The following CFAP20DC variants were observed in gnomAD, a reference collection of about 807,000 sequenced individuals.
CFAP20DC encodes the protein CFAP20 domain containing, also known as protein CFAP20DC.
In CFAP20DC, 84 loss-of-function variants were observed where a neutral mutation model predicts 101.7. The observed-to-expected ratio is 0.83, with a 90% confidence interval of 0.69 to 0.99. The LOEUF is 0.99. CFAP20DC is among the 50% of genes least tolerant of loss of function. The pLI, the probability that CFAP20DC is intolerant of heterozygous loss-of-function variation, is 0.00. For missense variants in CFAP20DC, 1,007 were observed against 970.3 expected (o/e 1.04, Z -0.50); for synonymous variants, 359 against 351.2 (o/e 1.02, Z -0.25).
At chr3:58,820,130 A>G (rs1244065249) in intron 14 of CFAP20DC, among the ~76,000 whole-genome samples, 1 of 152,042 alleles carries the variant, frequency 6.6e-6, no homozygotes, top group African/African-American at 2.4e-5. Flanking sequence ...TTAGGTATTG[A>G]TGGGACATAT....
intron 4 of CFAP20DC, among the ~76,000 whole-genome samples, chr3:58,946,767 G>A (rs1406576284): frequency 6.6e-6 from 1 of 152,162 alleles, no homozygotes; most frequent in Non-Finnish European, 1.5e-5. Flanking sequence ...GTTGCTGGGA[G>A]TTTTAATATG....
intron 4 of CFAP20DC, among the ~76,000 whole-genome samples, chr3:58,991,234 A>G (rs2092927044): frequency 6.6e-6 from 1 of 152,184 alleles, no homozygotes; most frequent in African/African-American, 2.4e-5. Flanking sequence ...AACAAACTGT[A>G]GTTGAACCAA....
intron 15 of CFAP20DC, among the ~76,000 whole-genome samples, chr3:58,758,533 T>C (rs2069177046): frequency 6.9e-6 from 1 of 144,296 alleles, no homozygotes; most frequent in South Asian, 2.1e-4. Flanking sequence ...ACTATAATCC[T>C]TATTTATTTA....
rs114623972 is a variant in CFAP20DC, at chr3:59,030,258, A to C, written c.278+9299T>G. 4.3e-3 allele frequency among the ~76,000 whole-genome samples: 653 copies of C among 152,342 alleles called. 3 individuals are homozygous for C. Among genetic ancestry groups the C allele is most frequent in the African/African-American group, 0.015 (627 of 41,584 alleles). On this transcript the variant is annotated intron_variant, in intron 4 of 16. Coordinates refer to ENST00000482387, the MANE Select transcript of CFAP20DC (RefSeq NM_001394063.1). ...AGTAAAACACTGAGGGTGCTGAAAG[A>C]AAGCCCTTTCATTTAAGGGGGAAAA...
chr3:59,046,359 T>C, intron 2 of CFAP20DC, 37 bp from the exon 3 acceptor site: 2 of 1,281,886 alleles, frequency 1.6e-6, no homozygotes, highest in Non-Finnish European at 2.1e-6. Flanking sequence ...TATCACAGGA[T>C]ATTTTATTTG....
At chr3:58,992,678 A>G in intron 4 of CFAP20DC, 1 of 376,734 alleles carries the variant, frequency 2.7e-6, no homozygotes, top group South Asian at 1.1e-4. Context: ...TACATTTATA[A>G]ATTTAGTACA....
At chr3:58,974,889 A>G (rs866739005) in intron 4 of CFAP20DC, among the ~76,000 whole-genome samples, 40 of 152,272 alleles carry the variant, frequency 2.6e-4, no homozygotes, top group African/African-American at 8.7e-4. Flanking sequence ...TCTCCTGTCC[A>G]GCCCACCACC....
chr3:58,901,824 A>G (rs2083173372), intron 6 of CFAP20DC, among the ~76,000 whole-genome samples: 1 of 152,218 alleles, frequency 6.6e-6, no homozygotes, highest in Non-Finnish European at 1.5e-5. Context: ...GACTTAGTAC[A>G]TTCATAATGT....
intron 4 of CFAP20DC, among the ~76,000 whole-genome samples, chr3:58,982,879 T>C (rs2092619887): frequency 6.6e-6 from 1 of 152,040 alleles, no homozygotes; most frequent in Non-Finnish European, 1.5e-5. Flanking sequence ...AAAAAGTTTC[T>C]AGAATCAATT....
At chr3:58,734,677 G>T in intron 3 of CFAP20DC, 2 of 427,310 alleles carry the variant, frequency 4.7e-6, no homozygotes, top group South Asian at 1.7e-5. Context: ...CCTCTAACTT[G>T]GTGATTGCCT....
At chr3:58,972,116 A>T (rs76814406) in intron 4 of CFAP20DC, among the ~76,000 whole-genome samples, 4,435 of 152,248 alleles carry the variant, frequency 0.029, 99 homozygotes, top group East Asian at 0.11. Context: ...TAAAGAATAT[A>T]AAAAAAGTTC....
chr3:58,853,356 A>G (rs1466543457), intron 12 of CFAP20DC, among the ~76,000 whole-genome samples: 1 of 150,180 alleles, frequency 6.7e-6, no homozygotes, highest in African/African-American at 2.5e-5. Flanking sequence ...CTTACCAACC[A>G]AAAAGAGTCC....
chr3:59,027,577 C>T (rs763599422), intron 4 of CFAP20DC, among the ~76,000 whole-genome samples: 1 of 152,074 alleles, frequency 6.6e-6, no homozygotes, highest in Non-Finnish European at 1.5e-5. Context: ...GAGATAATGA[C>T]AAAATCAGGA....
intron 15 of CFAP20DC, among the ~76,000 whole-genome samples, chr3:58,766,873 T>C (rs78899891): frequency 0.056 from 8,591 of 152,252 alleles, 519 homozygotes; most frequent in East Asian, 0.35. Flanking sequence ...ATACCCAGCC[T>C]TTGTATTTTG....
chr3:58,796,886 G>A (rs578239518), intron 15 of CFAP20DC, among the ~76,000 whole-genome samples: 1 of 152,210 alleles, frequency 6.6e-6, no homozygotes, highest in South Asian at 2.1e-4. Context: ...ACGGTGATAC[G>A]TGACAGTGAT....
At chr3:58,942,517 GC>G (rs2088756133) in intron 4 of CFAP20DC, among the ~76,000 whole-genome samples, 2 of 152,322 alleles carry the variant, frequency 1.3e-5, no homozygotes, top group Admixed American at 6.5e-5. Flanking sequence ...GAGGGACTGT[GC>G]CATGAGGAAC....
At chr3:58,773,869 C>T (rs2071079862) in intron 15 of CFAP20DC, among the ~76,000 whole-genome samples, 1 of 151,962 alleles carries the variant, frequency 6.6e-6, no homozygotes, top group South Asian at 2.1e-4. Flanking sequence ...CTAGAAGATG[C>T]TCTACAATAG....
intron 6 of CFAP20DC, among the ~76,000 whole-genome samples, chr3:58,886,345 C>T (rs1242074724): frequency 6.6e-6 from 1 of 151,794 alleles, no homozygotes; most frequent in Non-Finnish European, 1.5e-5. Context: ...GATGTTTTCA[C>T]GATATGGGAA....
At chr3:58,962,016 A>T (rs1171784739) in intron 4 of CFAP20DC, among the ~76,000 whole-genome samples, 1 of 151,846 alleles carries the variant, frequency 6.6e-6, no homozygotes, top group Non-Finnish European at 1.5e-5. Context: ...CTCTTTTCTG[A>T]TCTGTGATTT....
Sources: allele counts gnomAD v4.1 joint callset (sites outside exome capture counted in the v4.1 genomes callset), GRCh38; gene constraint gnomAD v4.1.1; transcripts MANE v1.5; gene names NCBI Gene and HGNC (gene_info 2026-07-23, HGNC 2026-07-21).